The following RBM33 variants were observed in gnomAD, a reference collection of about 807,000 sequenced individuals.
RBM33 encodes RNA-binding protein 33.
In RBM33, 28 loss-of-function variants were observed where a neutral mutation model predicts 132.6. The observed-to-expected ratio is 0.21, with a 90% CI of 0.16 to 0.29. The LOEUF (loss-of-function observed/expected upper bound fraction) is 0.29. RBM33 is among the 10% of genes least tolerant of loss of function. The pLI is 1.00. For synonymous variants in RBM33, 634 were observed against 593.0 expected (o/e 1.07, Z -1.01); for missense variants, 1,291 against 1,518.5 (o/e 0.85, Z 2.49).
At position 155,766,591 on chromosome 7, in the gene RBM33, G is replaced by A; in HGVS notation, c.3311G>A (p.Gly1104Glu). 1 of 1,612,854 alleles carries A rather than the reference G, an allele frequency of 6.2e-7. No individual in the cohort carries two copies. Residue 1104 changes from glycine (G) to glutamate (E), a missense_variant, in exon 16 of 18, where the codon GGG (glycine) becomes GAG (glutamate). By Grantham distance (98) the Gly-to-Glu change is moderately conservative. Around this residue, in one of 7 missense-constraint regions of RBM33, gnomAD observed 55 missense variants for 101.4 expected, o/e 0.54. Coordinates refer to ENST00000401878, the MANE Select transcript of RBM33 (RefSeq NM_053043.3). ...KPQPCVVSVE[G>E]LSSSTTDAQL... ...CAGCCCTGCGTGGTGTCTGTGGAGG[G>A]GCTGTCCTCGTCCACCACGGATGCC...
At chr7:155,748,201 AT>A (rs1801579644) in intron 14 of RBM33, among the ~76,000 whole-genome samples, 1 of 152,186 alleles carries the variant, frequency 6.6e-6, no homozygotes, top group African/African-American at 2.4e-5. Flanking sequence ...AAAACATTTT[AT>A]TGTTGGTTCG....
Position 155,774,256 on chromosome 7 carries a change from C to G in RBM33, c.3376-303C>G, listed in dbSNP as rs1451728116. Among the ~76,000 whole-genome samples, 1 of 152,168 alleles carries G rather than the reference C, an allele frequency of 6.6e-6. No homozygotes were observed. The highest frequency in any genetic ancestry group is 1.5e-5 in the Non-Finnish European group (1 of 68,016). ...AGATGTCTCTATCCAAGGGTACCTG[C>G]TACCCGGTCTCCCAGAGCAGGTTGG... is the stretch of plus-strand genomic sequence containing the variant. On this transcript the variant is annotated intron_variant, in intron 16 of 17. Transcript: ENST00000401878. The surrounding 1 kb of genome is among the most constrained non-coding windows in gnomAD (Gnocchi z 4.2).
At position 155,739,804 on chromosome 7, in the gene RBM33, C is replaced by A; in HGVS notation, c.1827C>A (p.His609Gln). 1 of 1,467,650 alleles carries A rather than the reference C, an allele frequency of 6.8e-7. No homozygotes were observed. Among genetic ancestry groups the A allele is most frequent in the Non-Finnish European group, 9.2e-7 (1 of 1,082,080 alleles). 90.9% of individuals were successfully genotyped at this position (1,467,650 alleles called of 1,614,324 possible). ...QQPPPQHQPP[H>Q]QPPHQPPPQH... ...CCCCGCCACAGCACCAGCCTCCGCA[C>A]CAGCCCCCGCACCAGCCCCCGCCCC... Residue 609 changes from histidine to glutamine, a missense_variant, in exon 12 of 18, where the codon CAC (histidine) becomes CAA (glutamine). His to Gln is a conservative substitution (Grantham distance 24). Coordinates refer to ENST00000401878, the MANE Select transcript of RBM33 (RefSeq NM_053043.3).
intron 5 of RBM33, among the ~76,000 whole-genome samples, chr7:155,688,149 C>T (rs1011761985): frequency 1.3e-5 from 2 of 152,158 alleles, no homozygotes; most frequent in South Asian, 2.1e-4. Context: ...TCTTTTATTT[C>T]ATTGAGCAGT....
In RBM33 at chr7:155,644,942, G is replaced by T. The variant is rs376763889; in HGVS notation, c.43+23G>T. 4.6e-4 allele frequency: 691 copies of T among 1,489,196 alleles called. 1 individual carries two copies. In the African/African-American group the frequency reaches 8.9e-3, roughly 19 times the overall value. The allele number at this position is 1,489,196 out of a possible 1,614,324, so 92.2% of individuals were successfully genotyped here. ...GAGGTACGTGAGGCAGCCGGACTCT[G>T]GGGGCCAGGACCGCGCCGCGGTGGG... On this transcript the variant is annotated intron_variant, in intron 1 of 17. Coordinates refer to ENST00000401878, the MANE Select transcript of RBM33 (RefSeq NM_053043.3).
At chr7:155,734,900 A>ATT (rs34583218) in intron 9 of RBM33, among the ~76,000 whole-genome samples, 36,512 of 151,908 alleles carry the variant, frequency 0.24, 4,650 homozygotes, top group African/African-American at 0.32. Context: ...TCATTTAAAC[A>ATT]TTTTTTTGAA....
intron 15 of RBM33, among the ~76,000 whole-genome samples, chr7:155,765,691 C>A (rs188654952): frequency 4.6e-5 from 7 of 152,344 alleles, no homozygotes; most frequent in Admixed American, 3.3e-4. Context: ...CACATATGTT[C>A]TCTCTGACTT....
intron 9 of RBM33, 54 bp from the exon 10 acceptor site, chr7:155,737,476 A>G (rs963919665): frequency 5.3e-5 from 80 of 1,517,902 alleles, no homozygotes; most frequent in Non-Finnish European, 6.5e-5. Flanking sequence ...TAAAAATTAC[A>G]TACCATTTTT....
intron 1 of RBM33, among the ~76,000 whole-genome samples, chr7:155,663,212 T>TC (rs1242784742): frequency 6.6e-6 from 1 of 151,464 alleles, no homozygotes; most frequent in South Asian, 2.1e-4. Context: ...TTTCTTTCTT[T>TC]TTTTTTTTTA....
intron 14 of RBM33, 62 bp from the exon 15 acceptor site, chr7:155,763,750 C>T: frequency 5.3e-6 from 8 of 1,495,606 alleles, no homozygotes; most frequent in African/African-American, 1.4e-5. Context: ...CTTCCTAATG[C>T]TGGGGAGGAG....
At chr7:155,760,243 C>T (rs550093179) in intron 14 of RBM33, among the ~76,000 whole-genome samples, 57 of 152,312 alleles carry the variant, frequency 3.7e-4, no homozygotes, top group South Asian at 2.7e-3. Flanking sequence ...ATGTTGTGGT[C>T]GGCATCCTTG....
At chr7:155,752,894 G>C (rs1801730060) in intron 14 of RBM33, among the ~76,000 whole-genome samples, 1 of 152,122 alleles carries the variant, frequency 6.6e-6, no homozygotes, top group African/African-American at 2.4e-5. Context: ...TCTGCAGCCC[G>C]ATCTTCTCAT....
In RBM33 at chr7:155,775,302, G is replaced by A. The variant is rs556656110; in HGVS notation, c.*261G>A. ...AACTCCAAGTTTTTCGTTTTGTTTT[G>A]TTTTCAAAGTGCTTACAATGCATGT... is the stretch of plus-strand genomic sequence containing the variant. On this transcript the variant is annotated 3_prime_UTR_variant, in exon 18 of 18. Coordinates refer to ENST00000401878, the MANE Select transcript of RBM33 (RefSeq NM_053043.3). The A allele has an allele frequency of 5.3e-5, 32 of 600,176 alleles. No individual in the cohort carries two copies. The highest frequency in any genetic ancestry group is 4.4e-4 in the Middle Eastern group (1 of 2,272). The allele number at this position is 600,176 out of a possible 1,614,324, so 37.2% of individuals were successfully genotyped here.
Position 155,739,739 on chromosome 7 carries a change from C to A in RBM33, c.1762C>A (p.Pro588Thr), listed in dbSNP as rs994181514. ...GGGGCCGTTGCATCCTCCATTGCCCCCTCCGCATCAGCCTCAGCCTCAGCA... is the reference window on the plus strand; with the variant it reads ...GGGGCCGTTGCATCCTCCATTGCCCACTCCGCATCAGCCTCAGCCTCAGCA... ...LQGPLHPPLP[P>T]PHQPQPQQPQ... is the part of the protein sequence containing the mutation. The change falls in exon 12 of 18, where the codon CCT (proline) becomes ACT (threonine). Residue 588 changes from proline to threonine, a missense_variant. Physicochemically the swap from Pro to Thr is conservative, Grantham distance 38. Transcript: ENST00000401878. The A allele has an allele frequency of 6.5e-7, 1 of 1,548,006 alleles. No individual in the cohort carries two copies. Among genetic ancestry groups the A allele is most frequent in the Non-Finnish European group, 8.7e-7 (1 of 1,145,826 alleles).
intron 6 of RBM33, 98 bp from the exon 7 acceptor site, chr7:155,706,762 C>A: frequency 1.0e-6 from 1 of 991,960 alleles, no homozygotes; most frequent in Non-Finnish European, 1.5e-6. Context: ...CATGCTGTGG[C>A]AGAGTTTCAT....
At position 155,680,879 on chromosome 7, in the gene RBM33, G is replaced by A. The variant is rs777024639; in HGVS notation, c.538G>A (p.Glu180Lys). The A allele has an allele frequency of 6.2e-6, 10 of 1,613,628 alleles. No homozygotes were observed. Among genetic ancestry groups the A allele is most frequent in the Non-Finnish European group, 1.7e-6 (2 of 1,179,724 alleles). Residue 180 changes from glutamate (E) to lysine (K), a missense_variant, in exon 5 of 18, where the codon GAG becomes AAG. Physicochemically the swap from Glu to Lys is moderately conservative, Grantham distance 56 (BLOSUM62 1). This residue lies in a region of RBM33 where 194 missense variants were observed against 249.8 expected (regional missense o/e 0.78). Coordinates refer to ENST00000401878, the MANE Select transcript of RBM33 (RefSeq NM_053043.3). ...TTACACTGATGAAGTGTTAGACATC[G>A]AGATCAATGAACCTTTAGATGAATT... is the stretch of plus-strand genomic sequence containing the variant. ...QLYTDEVLDI[E>K]INEPLDEFTG...
At chr7:155,685,109 TA>T in intron 5 of RBM33, 1 of 1,511,874 alleles carries the variant, frequency 6.6e-7, no homozygotes. Flanking sequence ...CCCCCAGACT[TA>T]AAATGAGCAT....
chr7:155,655,117 T>TA (rs1158455959), intron 1 of RBM33, among the ~76,000 whole-genome samples: 2 of 152,252 alleles, frequency 1.3e-5, no homozygotes, highest in Non-Finnish European at 1.5e-5. Flanking sequence ...TGTGAACAGA[T>TA]AACTACCATT....
Position 155,652,832 on chromosome 7 carries a change from G to A in RBM33, c.43+7913G>A, listed in dbSNP as rs190256204. The stretch of plus-strand genomic sequence containing the variant: ...GGACACATTTTTTCTTCTTGGTTCT[G>A]TTTAATATGACTGCTATGAACTGGA... On this transcript the variant is annotated intron_variant, in intron 1 of 17. Coordinates refer to ENST00000401878, the MANE Select transcript of RBM33 (RefSeq NM_053043.3). 2.1e-4 allele frequency among the ~76,000 whole-genome samples: 32 copies of A among 152,238 alleles called. No homozygotes were observed. The East Asian group carries it at 5.8e-3, about 28-fold the overall frequency.
Sources: allele counts gnomAD v4.1 joint callset (sites outside exome capture counted in the v4.1 genomes callset), GRCh38; gene constraint gnomAD v4.1.1; regional missense constraint gnomAD v4.1.1; non-coding constraint Gnocchi (gnomAD v3.1); transcripts MANE v1.5; gene names NCBI Gene and HGNC (gene_info 2026-07-23, HGNC 2026-07-21).